FRMPD1: variants seen among roughly 807,000 people sequenced by gnomAD.
The protein encoded by FRMPD1 is FERM and PDZ domain-containing protein 1.
A neutral mutation model predicts 117.8 loss-of-function variants in FRMPD1; 76 were observed. The observed-to-expected ratio is 0.65, with a 90% CI of 0.54 to 0.78. FRMPD1 has a LOEUF of 0.78. FRMPD1 is among the 30% of genes least tolerant of loss of function. The pLI is 0.00. For synonymous variants in FRMPD1, 783 were observed against 770.4 expected (o/e 1.02, Z -0.27); for missense variants, 1,786 against 1,964.5 (o/e 0.91, Z 1.72).
At chr9:37,665,027 G>A (rs561148653) in intron 1 of FRMPD1, among the ~76,000 whole-genome samples, 3 of 152,132 alleles carry the variant, frequency 2.0e-5, no homozygotes, top group East Asian at 1.9e-4. Context: ...TACAGACATC[G>A]AAAATAAACC....
the FRMPD1 span, among the ~76,000 whole-genome samples, chr9:37,638,022 T>TTCTC: frequency 2.3e-3 from 188 of 81,076 alleles, 28 homozygotes; most frequent in South Asian, 4.3e-3. Context: ...CTTTCTTTCT[T>TTCTC]TCTCTCTCTT....
intron 1 of FRMPD1, among the ~76,000 whole-genome samples, chr9:37,666,070 T>C (rs527296674): frequency 6.6e-6 from 1 of 152,274 alleles, no homozygotes; most frequent in African/African-American, 2.4e-5. Context: ...ATTTTCACAG[T>C]GTTCTTGGGT....
chr9:37,631,139 C>T, the FRMPD1 span, among the ~76,000 whole-genome samples: 15 of 152,088 alleles, frequency 9.9e-5, 1 homozygote, highest in East Asian at 2.9e-3. Flanking sequence ...GAAGAGATCA[C>T]TGAATGGAAA....
At chr9:37,673,763 G>A (rs569488899) in intron 1 of FRMPD1, among the ~76,000 whole-genome samples, 60 of 152,382 alleles carry the variant, frequency 3.9e-4, no homozygotes, top group African/African-American at 1.4e-3. Flanking sequence ...AAGCTGGCAA[G>A]GTTTGGGGTT....
At chr9:37,713,546 C>T (rs1275751706) in intron 5 of FRMPD1, among the ~76,000 whole-genome samples, 3 of 151,942 alleles carry the variant, frequency 2.0e-5, no homozygotes, top group Non-Finnish European at 4.4e-5. Context: ...GCTGAGATCG[C>T]ACCACTGCAC....
Position 37,746,082 on chromosome 9 carries a change from GAC to G in FRMPD1, c.4052_4053del (p.Thr1351ArgfsTer69), listed in dbSNP as rs751757513. 6 of 1,614,228 alleles carry G rather than the reference GAC, an allele frequency of 3.7e-6. No individual in the cohort carries two copies. Among genetic ancestry groups the G allele is most frequent in the Non-Finnish European group, 5.1e-6 (6 of 1,180,032 alleles). Reference sequence around the variant, plus strand: ...CATGCTTCCGTGGCCCGCAGCCTGAGACAGAGGAAGAAGACAGGGACTTGGAA... The same window carrying G: ...CATGCTTCCGTGGCCCGCAGCCTGAGAGAGGAAGAAGACAGGGACTTGGAA... ...ATCFRGPQPE[T>X]EEEDRDLEAH... On this transcript the variant is annotated frameshift_variant, in exon 16 of 16. Coordinates refer to ENST00000377765, the MANE Select transcript of FRMPD1 (RefSeq NM_014907.3). LOFTEE classifies it high-confidence loss of function.
rs148276064 is a variant in FRMPD1 at position 37,746,658 on chromosome 9, C to T, written c.4626C>T (p.Cys1542=). Residue 1542 remains cysteine (C), a synonymous_variant, in exon 16 of 16, where the codon TGC becomes TGT. Coordinates refer to ENST00000377765, the MANE Select transcript of FRMPD1 (RefSeq NM_014907.3). ...TTATAGAGGCTGCTAAATCGACCTG[C>T]GAGAGAGGCTACCACGACCTGAGTG... The part of the protein sequence containing the change: ...HQFIEAAKST[C]ERGYHDLSVK... 46 of 1,613,924 alleles carry T rather than the reference C, an allele frequency of 2.9e-5. No homozygotes were observed. The highest frequency in any genetic ancestry group is 2.3e-4 in the Admixed American group (14 of 60,034).
chr9:37,658,617 A>T (rs564494034), intron 1 of FRMPD1, among the ~76,000 whole-genome samples: 2 of 152,206 alleles, frequency 1.3e-5, no homozygotes, highest in South Asian at 2.1e-4. Context: ...TCTGGTGCCC[A>T]CTGGCATTTC....
Position 37,685,366 on chromosome 9 carries a change from G to A in FRMPD1, c.-4-7272G>A, listed in dbSNP as rs544885138. Among the ~76,000 whole-genome samples, 50 of 152,202 alleles carry A rather than the reference G, an allele frequency of 3.3e-4. No individual in the cohort carries two copies. In the Middle Eastern group the frequency reaches 0.014, roughly 41 times the overall value. The stretch of plus-strand genomic sequence containing the variant: ...AGCTTAATAAATTTGCCTTTCGGCT[G>A]GGCGCAGTGGCTCACGCCTGTAATC... On this transcript the variant is annotated intron_variant, in intron 1 of 15. Transcript: ENST00000377765.
At chr9:37,671,391 C>G (rs1272869741) in intron 1 of FRMPD1, among the ~76,000 whole-genome samples, 1 of 151,994 alleles carries the variant, frequency 6.6e-6, no homozygotes, top group East Asian at 1.9e-4. Flanking sequence ...TTGTTTTTTT[C>G]AGTAGGGCTC....
At chr9:37,714,647 CTTATTTTAT>C in intron 5 of FRMPD1, among the ~76,000 whole-genome samples, 1 of 142,684 alleles carries the variant, frequency 7.0e-6, no homozygotes, top group African/African-American at 2.6e-5. Flanking sequence ...TTTATTTTAT[CTTATTTTAT>C]TTATTTTTGA....
At chr9:37,637,100 G>T in the FRMPD1 span, 43 of 1,582,940 alleles carry the variant, frequency 2.7e-5, no homozygotes, top group Non-Finnish European at 3.6e-5. Flanking sequence ...TTCCTGGCCC[G>T]CCGTGTCCCA....
the FRMPD1 span, among the ~76,000 whole-genome samples, chr9:37,609,992 C>G: frequency 1.3e-5 from 2 of 152,216 alleles, no homozygotes; most frequent in African/African-American, 4.8e-5. Flanking sequence ...AAGCCCTGCC[C>G]TGAAGCCCCA....
Position 37,667,062 on chromosome 9 carries a change from C to CTTTTTTTTTTTTTTTTTTT in FRMPD1, c.-5+15984_-5+15985insTTTTTTTTTTTTTTTTTTT, listed in dbSNP as rs573955616. 1.2e-4 allele frequency among the ~76,000 whole-genome samples: 13 copies of CTTTTTTTTTTTTTTTTTTT among 111,038 alleles called. 2 individuals carry two copies. Among genetic ancestry groups the CTTTTTTTTTTTTTTTTTTT allele is most frequent in the African/African-American group, 4.7e-4 (12 of 25,316 alleles). 72.8% of individuals were successfully genotyped at this position (111,038 alleles called of 152,430 possible). ...GGAAAAGAGAGACAATTGAAGCATG[C>CTTTTTTTTTTTTTTTTTTT]TTTTTTTTTTTTTTTTCCTGAGACA... is the stretch of plus-strand genomic sequence containing the variant. On this transcript the variant is annotated intron_variant, in intron 1 of 15. Coordinates refer to ENST00000377765, the MANE Select transcript of FRMPD1 (RefSeq NM_014907.3).
At chr9:37,715,747 A>G in intron 5 of FRMPD1, 1 of 455,734 alleles carries the variant, frequency 2.2e-6, no homozygotes, top group Non-Finnish European at 4.4e-6. Context: ...GCTGATGTTC[A>G]GGTATAAAAG....
At chr9:37,667,691 G>GAA (rs3075983) in intron 1 of FRMPD1, among the ~76,000 whole-genome samples, 1,927 of 144,772 alleles carry the variant, frequency 0.013, 57 homozygotes, top group African/African-American at 0.045. Flanking sequence ...CTCAAAAAAA[G>GAA]AAAAAAAAAA....
chr9:37,743,983 G>A (rs1168354630), intron 15 of FRMPD1, among the ~76,000 whole-genome samples: 1 of 151,922 alleles, frequency 6.6e-6, no homozygotes, highest in Non-Finnish European at 1.5e-5. Flanking sequence ...GAGGTCAGGA[G>A]TTCGAGACCA....
the FRMPD1 span, among the ~76,000 whole-genome samples, chr9:37,640,421 G>T: frequency 6.6e-6 from 1 of 152,230 alleles, no homozygotes; most frequent in African/African-American, 2.4e-5. Flanking sequence ...TCCCTCTGGA[G>T]CTGCACTAAT....
intron 1 of FRMPD1, among the ~76,000 whole-genome samples, chr9:37,653,585 TC>T (rs1820747196): frequency 6.6e-6 from 1 of 152,094 alleles, no homozygotes. Context: ...ATCAGAAGGC[TC>T]AATCCCTGCC....
Sources: gnomAD v4.1 joint callset for allele counts (sites outside exome capture counted in the v4.1 genomes callset) on GRCh38, gnomAD v4.1.1 for gene constraint, MANE v1.5 for transcripts, NCBI Gene and HGNC (gene_info 2026-07-23, HGNC 2026-07-21) for gene names.